The following FGF14 variants were observed in gnomAD, a reference collection of about 807,000 sequenced individuals.
FGF14 encodes fibroblast growth factor homologous factor 4.
A neutral mutation model predicts 25.5 loss-of-function variants in FGF14; 5 were observed. The observed-to-expected ratio is 0.20, with a 90% CI of 0.10 to 0.41. The LOEUF is 0.41. Among genes scored for constraint, FGF14 ranks in the 10% least tolerant of loss-of-function variants. The probability of loss-of-function intolerance (pLI) is 1.00; values close to 1 mark genes in which losing one functional copy is unlikely to be tolerated. For missense variants in FGF14, 222 were observed against 320.1 expected (o/e 0.69, Z 2.34); for synonymous variants, 138 against 118.3 (o/e 1.17, Z -1.08).
At chr13:102,238,283 A>G (rs1453235694) in intron 1 of FGF14, among the ~76,000 whole-genome samples, 1 of 152,226 alleles carries the variant, frequency 6.6e-6, no homozygotes, top group Non-Finnish European at 1.5e-5. Context: ...TCAAAATAAA[A>G]CAGGTTGCAA....
At chr13:101,987,146 G>C (rs993015949) in intron 1 of FGF14, among the ~76,000 whole-genome samples, 1 of 151,902 alleles carries the variant, frequency 6.6e-6, no homozygotes, top group Non-Finnish European at 1.5e-5. Flanking sequence ...TCTCTACTTA[G>C]TATCTTCTTT....
At chr13:102,033,589 C>T (rs56004213) in intron 1 of FGF14, among the ~76,000 whole-genome samples, 8,436 of 152,144 alleles carry the variant, frequency 0.055, 420 homozygotes, top group African/African-American at 0.14. Flanking sequence ...CTTGTCACCT[C>T]AGCATTACTT....
chr13:102,326,973 T>C (rs1055634362), intron 1 of FGF14, among the ~76,000 whole-genome samples: 1 of 152,236 alleles, frequency 6.6e-6, no homozygotes, highest in Non-Finnish European at 1.5e-5. Flanking sequence ...TCAGCTCATG[T>C]GTTAAACCAT....
chr13:102,106,668 G>A (rs1310178161), intron 1 of FGF14, among the ~76,000 whole-genome samples: 1 of 151,988 alleles, frequency 6.6e-6, no homozygotes, highest in Non-Finnish European at 1.5e-5. Flanking sequence ...GAACTGAAAA[G>A]CCTTTACCCC....
chr13:101,994,352 G>C (rs1185130808), intron 1 of FGF14, among the ~76,000 whole-genome samples: 1 of 151,992 alleles, frequency 6.6e-6, no homozygotes, highest in Non-Finnish European at 1.5e-5. Context: ...TGTAGATTTG[G>C]TTTTACAGCA....
chr13:101,796,405 C>T (rs1290034095), intron 3 of FGF14, among the ~76,000 whole-genome samples: 1 of 151,886 alleles, frequency 6.6e-6, no homozygotes. Context: ...TAATGTTGAG[C>T]CTGAGCATGC....
At chr13:101,728,077 T>A (rs1240099227) in intron 3 of FGF14, among the ~76,000 whole-genome samples, 1 of 152,194 alleles carries the variant, frequency 6.6e-6, no homozygotes, top group East Asian at 1.9e-4. Context: ...GAATGTGACC[T>A]AATGTCATGT....
chr13:102,092,263 C>T (rs550343146), intron 1 of FGF14, among the ~76,000 whole-genome samples: 2 of 152,248 alleles, frequency 1.3e-5, no homozygotes, highest in Admixed American at 1.3e-4. Context: ...TATAGCCATG[C>T]CATACAAGAT....
At chr13:101,875,339 C>T (rs2045335758) in intron 1 of FGF14, 43 bp from the exon 2 acceptor site, 3 of 1,286,872 alleles carry the variant, frequency 2.3e-6, no homozygotes, top group Non-Finnish European at 3.4e-6. Context: ...CAATGTGTCA[C>T]CATAGTTTCC....
At chr13:102,262,758 T>A (rs1167859943) in intron 1 of FGF14, among the ~76,000 whole-genome samples, 1 of 152,212 alleles carries the variant, frequency 6.6e-6, no homozygotes, top group Non-Finnish European at 1.5e-5. Context: ...TAGTAGTTCA[T>A]GTTTACCTTA....
At chr13:102,358,008 A>AT (rs2057465417) in intron 1 of FGF14, among the ~76,000 whole-genome samples, 1 of 152,202 alleles carries the variant, frequency 6.6e-6, no homozygotes, top group Admixed American at 6.5e-5. Flanking sequence ...GATTATTTCT[A>AT]TTTTGACCAG....
Position 101,716,629 on chromosome 13 carries a change from T to C in FGF14, c.*6202A>G, listed in dbSNP as rs913264931. ...AGTGTGGCCTTTTAAAAAGACAATA[T>C]TGAGTTACATATAAAATGGGCCTGA... On this transcript the variant is annotated 3_prime_UTR_variant, in exon 5 of 5. Transcript: ENST00000376143. The C allele has an allele frequency of 5.3e-5, 8 of 152,172 alleles. No individual in the cohort carries two copies. Among genetic ancestry groups the C allele is most frequent in the African/African-American group, 1.9e-4 (8 of 41,532 alleles). 9.4% of individuals were successfully genotyped at this position (152,172 alleles called of 1,614,324 possible).
At chr13:101,806,763 T>C (rs142645287) in intron 3 of FGF14, among the ~76,000 whole-genome samples, 139 of 152,226 alleles carry the variant, frequency 9.1e-4, no homozygotes, top group Non-Finnish European at 1.9e-3. Context: ...TTTCTAACAT[T>C]AACAGTATTA....
chr13:101,968,673 C>CCAAAA (rs2037386323), intron 1 of FGF14, among the ~76,000 whole-genome samples: 2 of 79,056 alleles, frequency 2.5e-5, no homozygotes, highest in African/African-American at 8.8e-5. Flanking sequence ...ACTCCGTCTC[C>CCAAAA]AAAAAAAAAA....
intron 1 of FGF14, among the ~76,000 whole-genome samples, chr13:102,007,400 T>C (rs1566563443): frequency 6.6e-6 from 1 of 152,226 alleles, no homozygotes; most frequent in Non-Finnish European, 1.5e-5. Context: ...TGTCTCATAA[T>C]CAAAAGCCAT....
Position 101,916,454 on chromosome 13 carries a change from T to C in FGF14, c.192A>G (p.Gln64=), listed in dbSNP as rs748780697. 3.7e-6 allele frequency: 6 copies of C among 1,613,874 alleles called. No individual in the cohort carries two copies. ...CTCCCGACCATGACCCCCACAGACC[T>C]TGGCGCCGCAACCTGCGCTTCTTGA... The part of the protein sequence containing the change: ...FGLKKRRLRR[Q]DPQLKGIVTR... The change falls in exon 1 of 5, where the codon CAA becomes CAG. Residue 64 remains glutamine, a splice_region_variant and synonymous_variant. Coordinates refer to ENST00000376143, the MANE Select transcript of FGF14 (RefSeq NM_004115.4).
intron 1 of FGF14, among the ~76,000 whole-genome samples, chr13:101,956,980 A>C (rs1381528111): frequency 6.6e-6 from 1 of 152,062 alleles, no homozygotes; most frequent in Non-Finnish European, 1.5e-5. Flanking sequence ...TTTAATTGAG[A>C]GAATAATGAG....
At chr13:101,838,331 T>C (rs2043028289) in intron 3 of FGF14, among the ~76,000 whole-genome samples, 1 of 151,982 alleles carries the variant, frequency 6.6e-6, no homozygotes, top group Non-Finnish European at 1.5e-5. Flanking sequence ...GTCCTGTTAT[T>C]CCCCTAAGAG....
chr13:101,852,734 T>G (rs1163018084), intron 3 of FGF14, among the ~76,000 whole-genome samples: 1 of 152,094 alleles, frequency 6.6e-6, no homozygotes, highest in Non-Finnish European at 1.5e-5. Flanking sequence ...CTGATCCACC[T>G]TTCCCAGGAC....
Sources: gnomAD v4.1 joint callset for allele counts (sites outside exome capture counted in the v4.1 genomes callset) on GRCh38, gnomAD v4.1.1 for gene constraint, MANE v1.5 for transcripts, NCBI Gene and HGNC (gene_info 2026-07-23, HGNC 2026-07-21) for gene names.